ADPRHL1: variants seen among roughly 807,000 people sequenced by gnomAD.
ADPRHL1 encodes ADP-ribosylhydrolase like 1.
A neutral mutation model predicts 44.1 loss-of-function variants in ADPRHL1; 43 were observed. The observed-to-expected ratio is 0.98, with a 90% confidence interval of 0.76 to 1.26. ADPRHL1 has a LOEUF of 1.26. Among genes scored for constraint, ADPRHL1 ranks in the 50% most tolerant of loss-of-function variants. The pLI is 0.00. For missense variants in ADPRHL1, 2,022 were observed against 2,496.9 expected (o/e 0.81, Z 4.05); for synonymous variants, 878 against 1,017.4 (o/e 0.86, Z 2.61).
intron 4 of ADPRHL1, among the ~76,000 whole-genome samples, chr13:113,426,936 G>A (rs1419182243): frequency 3.3e-5 from 5 of 152,234 alleles, no homozygotes; most frequent in African/African-American, 4.8e-5. Context: ...CAGTGTTTCC[G>A]GAGGGTGTCC....
chr13:113,443,989 A>G (rs2044117627), intron 2 of ADPRHL1, among the ~76,000 whole-genome samples: 2 of 152,246 alleles, frequency 1.3e-5, no homozygotes, highest in African/African-American at 4.8e-5. Context: ...GATACCATTA[A>G]GAAAACAAAA....
Position 113,402,820 on chromosome 13 carries a change from G to C in ADPRHL1, c.*558C>G, listed in dbSNP as rs989896530. 1 of 152,522 alleles carries C rather than the reference G, an allele frequency of 6.6e-6. No individual in the cohort carries two copies. The highest frequency in any genetic ancestry group is 2.4e-5 in the African/African-American group (1 of 41,456). The allele number at this position is 152,522 out of a possible 1,614,324, so 9.4% of individuals were successfully genotyped here. A position where few individuals can be genotyped will look rare whatever the true frequency, so the allele number is the denominator to read the frequency against. On this transcript the variant is annotated 3_prime_UTR_variant, in exon 8 of 8. Coordinates refer to ENST00000612156, the MANE Select transcript of ADPRHL1 (RefSeq NM_001394807.1). ...CCACACAGCACCCGGCACCCACCTG[G>C]GCGTCTGAGGCTGGAGGAAGCTCTG...
chr13:113,412,138 C>T (rs2043856635), intron 7 of ADPRHL1, among the ~76,000 whole-genome samples: 1 of 152,206 alleles, frequency 6.6e-6, no homozygotes, highest in Non-Finnish European at 1.5e-5. Context: ...GCGTGTGCTG[C>T]TGCTGCTGGC....
chr13:113,435,009 G>T (rs2044039555), intron 2 of ADPRHL1, among the ~76,000 whole-genome samples: 1 of 121,982 alleles, frequency 8.2e-6, no homozygotes, highest in Non-Finnish European at 1.8e-5. Flanking sequence ...GTGTACCCCG[G>T]GACCCGGCAC....
Position 113,453,417 on chromosome 13 carries a change from CG to C in ADPRHL1, c.20del (p.Ala7GlyfsTer23). The C allele has an allele frequency of 6.2e-7, 1 of 1,614,150 alleles. No individual in the cohort carries two copies. The highest frequency in any genetic ancestry group is 8.5e-7 in the Non-Finnish European group (1 of 1,180,044). The stretch of plus-strand genomic sequence containing the variant: ...CATCGCCGACGCTCCCCAGCAACAT[CG>C]CAGCCTTAAATTTCTCCATCCCAGG... MEKFKAAMLLGSVGDAL... is the reference protein window; with the variant it reads MEKFKAXMLLGSVGDAL... On this transcript the variant is annotated frameshift_variant, in exon 1 of 8. Transcript: ENST00000612156. LOFTEE classifies it high-confidence loss of function. The surrounding 1 kb of genome is among the most constrained non-coding windows in gnomAD (Gnocchi z 5.4).
In ADPRHL1 at chr13:113,413,823, G is replaced by A. The variant is rs974210222; in HGVS notation, c.1062-5603C>T. ...ACAAGCTGCAGAACCCACAGGGAAT[G>A]GAATGTCTTCCTCCCAGGGGCCAAT... On this transcript the variant is annotated intron_variant, in intron 7 of 7. Transcript: ENST00000612156. Among the ~76,000 whole-genome samples, 4 of 152,334 alleles carry A rather than the reference G, an allele frequency of 2.6e-5. No homozygotes were observed. In the South Asian group the frequency reaches 8.3e-4, roughly 32 times the overall value.
chr13:113,448,622 T>TCAGGG (rs1430050409), intron 1 of ADPRHL1, among the ~76,000 whole-genome samples: 2 of 152,312 alleles, frequency 1.3e-5, no homozygotes, highest in African/African-American at 4.8e-5. Flanking sequence ...CTCCCAGTTA[T>TCAGGG]CAGGGCCCCG....
At chr13:113,423,754 G>A (rs1048600191) in intron 6 of ADPRHL1, among the ~76,000 whole-genome samples, 1 of 152,252 alleles carries the variant, frequency 6.6e-6, no homozygotes, top group African/African-American at 2.4e-5. Flanking sequence ...TGCGAGCCCA[G>A]GACCTAACTC....
intron 1 of ADPRHL1, among the ~76,000 whole-genome samples, chr13:113,447,143 T>C (rs1233880199): frequency 7.1e-6 from 1 of 141,142 alleles, no homozygotes; most frequent in African/African-American, 2.7e-5. Flanking sequence ...GCAAGTTGTA[T>C]GTGCATGGCG....
At position 113,448,985 on chromosome 13, in the gene ADPRHL1, G is replaced by GCA. The variant is rs144360857; in HGVS notation, c.214+4237_214+4238dup. On this transcript the variant is annotated intron_variant, in intron 1 of 7. Transcript: ENST00000612156. The stretch of plus-strand genomic sequence containing the variant: ...GCGAGGCCGCCCCTCCCCAGGCCTG[G>GCA]CACACACACACACCTGCTAAACGCT... 17 of 984,442 alleles carry GCA rather than the reference G, an allele frequency of 1.7e-5. No individual in the cohort carries two copies. The East Asian group carries it at 5.7e-4, about 33-fold the overall frequency. The allele number at this position is 984,442 out of a possible 1,614,324, so 61.0% of individuals were successfully genotyped here.
intron 2 of ADPRHL1, among the ~76,000 whole-genome samples, chr13:113,439,285 G>A (rs1430868043): frequency 1.3e-5 from 2 of 151,988 alleles, no homozygotes; most frequent in Non-Finnish European, 2.9e-5. Flanking sequence ...ACCACGCCCA[G>A]CTAATTTTTG....
At chr13:113,450,278 G>A (rs892752853) in intron 1 of ADPRHL1, among the ~76,000 whole-genome samples, 1 of 152,150 alleles carries the variant, frequency 6.6e-6, no homozygotes, top group Non-Finnish European at 1.5e-5. Flanking sequence ...GTTATTTAAA[G>A]AACAAAGATA....
rs749307877 is a variant in ADPRHL1, at chr13:113,429,049, G to A, written c.549C>T (p.Ala183=). 15 of 1,612,630 alleles carry A rather than the reference G, an allele frequency of 9.3e-6. No individual in the cohort carries two copies. The highest frequency in any genetic ancestry group is 6.6e-5 in the South Asian group (6 of 91,018). The change falls in exon 4 of 8, where the codon GCC becomes GCT. Residue 183 remains alanine (A), a synonymous_variant. Coordinates refer to ENST00000612156, the MANE Select transcript of ADPRHL1 (RefSeq NM_001394807.1). Reference sequence around the variant, plus strand: ...ACTGGACCAGGGGCTTTCCTTGTGCGGCGAACGACACAAACAGGGCCGTGC... The same window carrying A: ...ACTGGACCAGGGGCTTTCCTTGTGCAGCGAACGACACAAACAGGGCCGTGC... ...SLCTALFVSF[A]AQGKPLVQWG... is the part of the protein sequence containing the mutation.
intron 3 of ADPRHL1, among the ~76,000 whole-genome samples, chr13:113,429,966 TAAGG>T (rs951684483): frequency 6.6e-6 from 1 of 152,214 alleles, no homozygotes; most frequent in African/African-American, 2.4e-5. Flanking sequence ...AAAACACGGT[TAAGG>T]AAGAAGTCCG....
In ADPRHL1 at chr13:113,404,439, G is replaced by C; in HGVS notation, c.4843C>G (p.Gln1615Glu). 1.5e-6 allele frequency: 2 copies of C among 1,319,912 alleles called. No individual in the cohort carries two copies. Among genetic ancestry groups the C allele is most frequent in the Non-Finnish European group, 1.9e-6 (2 of 1,042,432 alleles). 81.8% of individuals were successfully genotyped at this position (1,319,912 alleles called of 1,614,324 possible). ...QKWAQEEAQG[Q>E]AQWQTQIKAQ... ...TTTATCTGGGTCTGCCACTGGGCCT[G>C]TCCCTGAGCCTCTTCCTGGGCCCAT... is the stretch of plus-strand genomic sequence containing the variant. The change falls in exon 8 of 8, where the codon CAG becomes GAG. Residue 1615 changes from glutamine (Q) to glutamate (E), a missense_variant. Transcript: ENST00000612156.
chr13:113,453,248 C>T lies in ADPRHL1; in HGVS notation c.190G>A (p.Ala64Thr), dbSNP rs766931087. The T allele has an allele frequency of 1.4e-5, 22 of 1,613,962 alleles. No individual in the cohort carries two copies. The highest frequency in any genetic ancestry group is 3.3e-5 in the South Asian group (3 of 91,076). The change falls in exon 1 of 8, where the codon GCA (alanine) becomes ACA (threonine). Residue 64 changes from alanine to threonine, a missense_variant. Physicochemically the swap from Ala to Thr is moderately conservative, Grantham distance 58 (BLOSUM62 0). This residue lies in a region of ADPRHL1 where 437 missense variants were observed against 430.7 expected (regional missense o/e 1.01). Coordinates refer to ENST00000612156, the MANE Select transcript of ADPRHL1 (RefSeq NM_001394807.1). The surrounding 1 kb of genome is among the most constrained non-coding windows in gnomAD (Gnocchi z 5.4). Reference protein sequence around the residue: ...PVSDNTIMHIATAEALTTDYW... With the variant: ...PVSDNTIMHITTAEALTTDYW... The stretch of plus-strand genomic sequence containing the variant: ...CCTGTGGTGAGGGCCTCGGCGGTTG[C>T]GATGTGCATGATGGTGTTGTCACTC...
chr13:113,441,629 A>G lies in ADPRHL1; in HGVS notation c.379+2796T>C, dbSNP rs1458975592. On this transcript the variant is annotated intron_variant, in intron 2 of 7. Transcript: ENST00000612156. The surrounding 1 kb of genome is among the most constrained non-coding windows in gnomAD (Gnocchi z 6.0). ...TTTTTAAGTCAATTATCTTTTAAAG[A>G]TATTTAAATAACATGTTTTAAAATC... 1.3e-5 allele frequency among the ~76,000 whole-genome samples: 2 copies of G among 152,198 alleles called. No homozygotes were observed. The highest frequency in any genetic ancestry group is 2.9e-5 in the Non-Finnish European group (2 of 68,036).
chr13:113,428,867 C>T, intron 4 of ADPRHL1, 85 bp downstream of exon 4: 1 of 1,579,514 alleles, frequency 6.3e-7, no homozygotes. Flanking sequence ...AGCGAAAGTG[C>T]CTTGAAGTAT....
Position 113,424,352 on chromosome 13 carries a change from G to C in ADPRHL1, c.775-3C>G, listed in dbSNP as rs1320753393. 1.9e-6 allele frequency: 3 copies of C among 1,612,592 alleles called. No individual in the cohort carries two copies. The highest frequency in any genetic ancestry group is 2.5e-6 in the Non-Finnish European group (3 of 1,179,872). ...TCCGAGCTCCACTTCCTGTAGGTCT[G>C]ACAAGAGAGCCGTGGGTCGGGGCGT... On this transcript the variant is annotated splice_polypyrimidine_tract_variant and splice_region_variant and intron_variant, in intron 5 of 7. Transcript: ENST00000612156.
Sources: gnomAD v4.1 joint callset for allele counts (sites outside exome capture counted in the v4.1 genomes callset) on GRCh38, gnomAD v4.1.1 for gene constraint, gnomAD v4.1.1 regional missense constraint, Gnocchi (gnomAD v3.1) non-coding constraint, MANE v1.5 for transcripts, NCBI Gene and HGNC (gene_info 2026-07-23, HGNC 2026-07-21) for gene names.